Variants in SULT1E1 observed in about 807,000 individuals in gnomAD.
The protein encoded by SULT1E1 is sulfotransferase 1E1.
A neutral mutation model predicts 33.6 loss-of-function variants in SULT1E1; 36 were observed. That is an observed-to-expected ratio of 1.07 (90% CI 0.82 to 1.41). The LOEUF (loss-of-function observed/expected upper bound fraction) is 1.41. Among genes scored for constraint, SULT1E1 ranks in the 40% most tolerant of loss-of-function variants. SULT1E1 has a pLI of 0.00. For synonymous variants in SULT1E1, 121 were observed against 111.7 expected (o/e 1.08, Z -0.53); for missense variants, 371 against 345.7 (o/e 1.07, Z -0.58).
intron 4 of SULT1E1, among the ~76,000 whole-genome samples, chr4:69,853,563 C>T (rs1721170213): frequency 6.6e-6 from 1 of 152,122 alleles, no homozygotes; most frequent in Admixed American, 6.6e-5. Flanking sequence ...CTCCTGGATG[C>T]CTTCCCTACC....
At chr4:69,843,229 A>G (rs754944440) in intron 7 of SULT1E1, among the ~76,000 whole-genome samples, 1 of 152,160 alleles carries the variant, frequency 6.6e-6, no homozygotes, top group Non-Finnish European at 1.5e-5. Context: ...ACCAGAAGAC[A>G]GAACATGTGT....
chr4:69,836,735 ATG>A (rs1407490444), downstream of SULT1E1, among the ~76,000 whole-genome samples: 4 of 152,082 alleles, frequency 2.6e-5, no homozygotes, highest in Non-Finnish European at 5.9e-5. Flanking sequence ...TTTTGCATAC[ATG>A]TGTTTGTGTA....
At chr4:69,833,274 T>C in the SULT1E1 span, among the ~76,000 whole-genome samples, 7 of 152,164 alleles carry the variant, frequency 4.6e-5, no homozygotes, top group Non-Finnish European at 8.8e-5. Flanking sequence ...AATACCTAGT[T>C]TCATGTGGCT....
At chr4:69,857,760 G>A (rs1385358062) in intron 1 of SULT1E1, 107 bp from the exon 2 acceptor site, 3 of 1,036,890 alleles carry the variant, frequency 2.9e-6, no homozygotes, top group Admixed American at 3.0e-5. Context: ...CTTCTTAGTT[G>A]TTGCACATAT....
At chr4:69,851,578 G>T (rs1721107888) in intron 4 of SULT1E1, among the ~76,000 whole-genome samples, 1 of 152,136 alleles carries the variant, frequency 6.6e-6, no homozygotes, top group Non-Finnish European at 1.5e-5. Flanking sequence ...ATCCCTCAGG[G>T]ATCTAGAACT....
chr4:69,844,156 C>T lies in SULT1E1; in HGVS notation c.772+5G>A. 1 of 1,613,752 alleles carries T rather than the reference C, an allele frequency of 6.2e-7. No individual in the cohort carries two copies. Among genetic ancestry groups the T allele is most frequent in the Non-Finnish European group, 8.5e-7 (1 of 1,179,778 alleles). ...TAGTATCGAGGCAAACCACATTTTT[C>T]TCACCCTTTCTCATGAAGGGCGACA... On this transcript the variant is annotated splice_donor_5th_base_variant and intron_variant, in intron 7 of 7. Transcript: ENST00000226444.
chr4:69,852,088 C>T lies in SULT1E1; in HGVS notation c.369+2129G>A, dbSNP rs1235542931. On this transcript the variant is annotated intron_variant, in intron 4 of 7. Transcript: ENST00000226444. ...TGTATACATATGTAACAAACCTGCA[C>T]ATTGTGCACATGTACCCTAAAACTT... Among the ~76,000 whole-genome samples, 3 of 152,160 alleles carry T rather than the reference C, an allele frequency of 2.0e-5. No individual in the cohort carries two copies. In the East Asian group the frequency reaches 5.8e-4, roughly 29 times the overall value.
intron 1 of SULT1E1, among the ~76,000 whole-genome samples, chr4:69,858,161 C>T (rs980965966): frequency 6.6e-6 from 1 of 151,930 alleles, no homozygotes; most frequent in Non-Finnish European, 1.5e-5. Flanking sequence ...AAACCAAATG[C>T]TTGGTGAATG....
intron 7 of SULT1E1, among the ~76,000 whole-genome samples, chr4:69,842,962 G>A (rs1205191902): frequency 1.3e-5 from 2 of 151,312 alleles, no homozygotes; most frequent in South Asian, 2.1e-4. Context: ...TCAGCCTCCC[G>A]AGTAGCTGGG....
rs527661288 is a variant in SULT1E1, at chr4:69,850,778, T to G, written c.370-1215A>C. Among the ~76,000 whole-genome samples, 3 of 152,262 alleles carry G rather than the reference T, an allele frequency of 2.0e-5. No homozygotes were observed. In the South Asian group the frequency reaches 6.2e-4, roughly 32 times the overall value. On this transcript the variant is annotated intron_variant, in intron 4 of 7. Transcript: ENST00000226444. ...TATCTGTATTTTATAGCTTGCCTTC[T>G]GGTCCTCCATGAGGCTTTTTATTTT... is the stretch of plus-strand genomic sequence containing the variant.
chr4:69,822,952 C>T, the SULT1E1 span, among the ~76,000 whole-genome samples: 8 of 152,088 alleles, frequency 5.3e-5, no homozygotes, highest in Admixed American at 3.9e-4. Flanking sequence ...ACAAAATGGC[C>T]CTGAAAGGCC....
downstream of SULT1E1, among the ~76,000 whole-genome samples, chr4:69,839,526 TAATC>T (rs754195184): frequency 6.6e-6 from 1 of 152,246 alleles, no homozygotes; most frequent in Non-Finnish European, 1.5e-5. Context: ...CACATGGTAT[TAATC>T]AGTCAGTCCA....
At chr4:69,846,246 G>GT (rs1178891105) in intron 6 of SULT1E1, among the ~76,000 whole-genome samples, 20 of 124,948 alleles carry the variant, frequency 1.6e-4, no homozygotes, top group Admixed American at 1.1e-3. Context: ...AGTTTTCTTA[G>GT]TTTTTTTTTC....
At chr4:69,847,200 A>T (rs1461440523) in intron 6 of SULT1E1, among the ~76,000 whole-genome samples, 2 of 151,486 alleles carry the variant, frequency 1.3e-5, no homozygotes, top group African/African-American at 4.8e-5. Context: ...TTATTTTTAG[A>T]AATTGTATTT....
intron 2 of SULT1E1, 61 bp from the exon 3 acceptor site, chr4:69,855,487 C>T: frequency 1.3e-6 from 2 of 1,516,556 alleles, no homozygotes; most frequent in Non-Finnish European, 1.8e-6. Context: ...GACATTAGTG[C>T]TGCATTTATG....
the SULT1E1 span, among the ~76,000 whole-genome samples, chr4:69,824,403 G>A: frequency 2.0e-5 from 3 of 152,160 alleles, no homozygotes; most frequent in Non-Finnish European, 4.4e-5. Context: ...CCCTAAAGCT[G>A]GAGCCTGAGT....
chr4:69,852,041 T>C (rs1721126296), intron 4 of SULT1E1, among the ~76,000 whole-genome samples: 1 of 152,070 alleles, frequency 6.6e-6, no homozygotes, highest in African/African-American at 2.4e-5. Flanking sequence ...AGTTAATGGG[T>C]GCAGGATACC....
At chr4:69,851,690 C>T (rs1391590818) in intron 4 of SULT1E1, among the ~76,000 whole-genome samples, 3 of 152,098 alleles carry the variant, frequency 2.0e-5, no homozygotes, top group Admixed American at 2.0e-4. Context: ...TTTATTGTGG[C>T]ACTATTCACA....
At position 69,857,541 on chromosome 4, in the gene SULT1E1, G is replaced by C. The variant is rs150180382; in HGVS notation, c.104C>G (p.Ala35Gly). Residue 35 changes from alanine to glycine, a missense_variant, in exon 2 of 8, where the codon GCA becomes GGA. Transcript: ENST00000226444. Reference protein sequence around the residue: ...KYWDNVEAFQARPDDLVIATY... With the variant: ...KYWDNVEAFQGRPDDLVIATY... Reference sequence around the variant, plus strand: ...GGCAATGACAAGATCATCTGGTCTTGCCTGGAACGCTTCCACATTATCCCA... The same window carrying C: ...GGCAATGACAAGATCATCTGGTCTTCCCTGGAACGCTTCCACATTATCCCA... 208 of 1,612,860 alleles carry C rather than the reference G, an allele frequency of 1.3e-4. No individual in the cohort carries two copies. The highest frequency in any genetic ancestry group is 1.7e-4 in the Non-Finnish European group (203 of 1,179,708).
Sources: allele counts gnomAD v4.1 joint callset (sites outside exome capture counted in the v4.1 genomes callset), GRCh38; gene constraint gnomAD v4.1.1; transcripts MANE v1.5; gene names NCBI Gene and HGNC (gene_info 2026-07-23, HGNC 2026-07-21).